The following ARB2A variants were observed in gnomAD, a reference collection of about 807,000 sequenced individuals.
ARB2A encodes cotranscriptional regulator ARB2A.
At chr5:93,788,804 T>C in the ARB2A span, among the ~76,000 whole-genome samples, 49 of 152,310 alleles carry the variant, frequency 3.2e-4, no homozygotes, top group East Asian at 8.3e-3. Flanking sequence ...CATGAAGTCT[T>C]TGGCATATCT....
At chr5:94,034,758 C>T in the ARB2A span, among the ~76,000 whole-genome samples, 1 of 152,162 alleles carries the variant, frequency 6.6e-6, no homozygotes, top group East Asian at 1.9e-4. Flanking sequence ...CCAGGCGTCC[C>T]AAACCCCCAG....
chr5:93,757,211 C>T, the ARB2A span, among the ~76,000 whole-genome samples: 1 of 152,012 alleles, frequency 6.6e-6, no homozygotes, highest in African/African-American at 2.4e-5. Context: ...AACAAAGCCT[C>T]TAAGAAGTCT....
chr5:93,817,114 T>A, the ARB2A span, among the ~76,000 whole-genome samples: 39 of 144,828 alleles, frequency 2.7e-4, 1 homozygote, highest in East Asian at 3.8e-3. Context: ...ACACACACAC[T>A]GATTAGAACT....
chr5:93,651,142 T>C, the ARB2A span, among the ~76,000 whole-genome samples: 3 of 150,984 alleles, frequency 2.0e-5, no homozygotes, highest in African/African-American at 7.3e-5. Flanking sequence ...GAACACTCTT[T>C]TTTTTTTTTT....
At chr5:94,084,917 T>A in the ARB2A span, among the ~76,000 whole-genome samples, 1 of 152,184 alleles carries the variant, frequency 6.6e-6, no homozygotes, top group South Asian at 2.1e-4. Flanking sequence ...TTAAACCTCT[T>A]AGGGAAAAAT....
chr5:93,965,217 T>C, the ARB2A span, among the ~76,000 whole-genome samples: 1 of 152,018 alleles, frequency 6.6e-6, no homozygotes, highest in Non-Finnish European at 1.5e-5. Context: ...AGATGCAAAG[T>C]GACTCAACTG....
chr5:93,741,753 A>C, the ARB2A span: 3 of 614,896 alleles, frequency 4.9e-6, no homozygotes, highest in African/African-American at 1.8e-5. Context: ...TAAGGGAGTG[A>C]GCCCCCTACC....
the ARB2A span, among the ~76,000 whole-genome samples, chr5:93,816,321 T>TA: frequency 3.2e-4 from 49 of 152,306 alleles, 1 homozygote; most frequent in South Asian, 9.7e-3. Context: ...ATAAAAGGCT[T>TA]ACAATAGTCA....
At chr5:93,650,441 GAT>G in the ARB2A span, among the ~76,000 whole-genome samples, 1 of 152,110 alleles carries the variant, frequency 6.6e-6, no homozygotes, top group Non-Finnish European at 1.5e-5. Flanking sequence ...CTTGAAAAAT[GAT>G]CAATGGGAAT....
the ARB2A span, among the ~76,000 whole-genome samples, chr5:93,961,879 T>G: frequency 2.0e-5 from 3 of 152,236 alleles, no homozygotes; most frequent in African/African-American, 7.2e-5. Context: ...TGTAACAATA[T>G]TAATGAGTAA....
chr5:93,864,822 T>A, the ARB2A span, among the ~76,000 whole-genome samples: 166 of 152,332 alleles, frequency 1.1e-3, 1 homozygote, highest in African/African-American at 3.6e-3. Flanking sequence ...ATATGAATGA[T>A]GTCAAAGTAC....
chr5:93,849,008 G>C, the ARB2A span, among the ~76,000 whole-genome samples: 1 of 152,144 alleles, frequency 6.6e-6, no homozygotes, highest in Non-Finnish European at 1.5e-5. Context: ...ATTACTTTTA[G>C]CAATTAATTG....
At chr5:93,987,028 T>TA in the ARB2A span, among the ~76,000 whole-genome samples, 18 of 150,608 alleles carry the variant, frequency 1.2e-4, no homozygotes, top group Admixed American at 5.9e-4. Context: ...TAAAAAAATT[T>TA]AAAAAAAAAG....
At chr5:93,905,480 G>GA in the ARB2A span, among the ~76,000 whole-genome samples, 1 of 151,408 alleles carries the variant, frequency 6.6e-6, no homozygotes, top group Admixed American at 6.6e-5. Context: ...AACTTTTTCG[G>GA]AAAAAAATCT....
At chr5:93,900,383 TG>T in the ARB2A span, among the ~76,000 whole-genome samples, 1 of 151,784 alleles carries the variant, frequency 6.6e-6, no homozygotes, top group African/African-American at 2.4e-5. Context: ...GAGGCTGAGG[TG>T]GGTGGATCAC....
the ARB2A span, among the ~76,000 whole-genome samples, chr5:93,879,910 A>G: frequency 6.6e-6 from 1 of 151,880 alleles, no homozygotes. Context: ...CATTTCTGGA[A>G]TCTGGATATC....
the ARB2A span, among the ~76,000 whole-genome samples, chr5:93,717,927 C>T: frequency 1.4e-4 from 21 of 151,674 alleles, no homozygotes; most frequent in African/African-American, 4.3e-4. Context: ...CTCCACCTCC[C>T]GGATTCAAGC....
chr5:93,800,363 T>C, the ARB2A span, among the ~76,000 whole-genome samples: 1 of 148,320 alleles, frequency 6.7e-6, no homozygotes, highest in African/African-American at 2.5e-5. Context: ...AAATAGGGCA[T>C]GATTTAACTG....
At chr5:94,045,020 G>C in the ARB2A span, among the ~76,000 whole-genome samples, 1 of 149,580 alleles carries the variant, frequency 6.7e-6, no homozygotes, top group Non-Finnish European at 1.5e-5. Flanking sequence ...TTGGGAGACT[G>C]AGGTAAGAGA....
Sources: allele counts gnomAD v4.1 joint callset (sites outside exome capture counted in the v4.1 genomes callset), GRCh38; gene constraint gnomAD v4.1.1; transcripts MANE v1.5; gene names NCBI Gene and HGNC (gene_info 2026-07-23, HGNC 2026-07-21).